The following MCF2L variants were observed in gnomAD, a reference collection of about 807,000 sequenced individuals.
MCF2L encodes the protein MCF.2 cell line derived transforming sequence like.
A neutral mutation model predicts 153.4 loss-of-function variants in MCF2L; 97 were observed. The observed-to-expected ratio is 0.63, with a 90% CI of 0.54 to 0.75. The LOEUF (loss-of-function observed/expected upper bound fraction) is 0.75, where lower values mean the gene tolerates loss of function less well. Among genes scored for constraint, MCF2L ranks in the 30% least tolerant of loss-of-function variants. The probability of loss-of-function intolerance (pLI) is 0.00; values close to 1 mark genes in which losing one functional copy is unlikely to be tolerated. For synonymous variants in MCF2L, 659 were observed against 632.2 expected (o/e 1.04, Z -0.64); for missense variants, 1,347 against 1,495.2 (o/e 0.90, Z 1.64).
intron 20 of MCF2L, 60 bp downstream of exon 20, chr13:113,085,238 C>T: frequency 6.6e-7 from 1 of 1,522,456 alleles, no homozygotes; most frequent in Non-Finnish European, 9.1e-7. Context: ...GGTGTCTGTG[C>T]CGCCCTGGGG....
chr13:113,078,128 C>T (rs955737955), intron 13 of MCF2L, among the ~76,000 whole-genome samples: 2 of 151,994 alleles, frequency 1.3e-5, no homozygotes, highest in Non-Finnish European at 2.9e-5. Context: ...GCCCACGCCA[C>T]CACCTGTGGC....
At chr13:112,914,417 G>A (rs990108515) in intron 2 of MCF2L, among the ~76,000 whole-genome samples, 1 of 152,182 alleles carries the variant, frequency 6.6e-6, no homozygotes, top group Non-Finnish European at 1.5e-5. Flanking sequence ...CGTCTCTGCT[G>A]ATGGGCACTA....
intron 2 of MCF2L, among the ~76,000 whole-genome samples, chr13:113,021,011 CTGTA>C (rs72526280): frequency 0.18 from 27,204 of 151,380 alleles, 2,567 homozygotes; most frequent in East Asian, 0.29. Context: ...AGCTGTGTAT[CTGTA>C]TGGTAGCTGT....
chr13:112,917,054 A>G, intron 2 of MCF2L: 3 of 470,954 alleles, frequency 6.4e-6, no homozygotes, highest in South Asian at 4.6e-5. Context: ...ATTCCTGTCA[A>G]CTCAAAGGTG....
Position 113,046,555 on chromosome 13 carries a change from T to C in MCF2L, c.369+1194T>C, listed in dbSNP as rs759674408. 7.5e-6 allele frequency: 4 copies of C among 533,234 alleles called. No individual in the cohort carries two copies. The East Asian group carries it at 1.6e-4, about 22-fold the overall frequency. 33.0% of individuals were successfully genotyped at this position (533,234 alleles called of 1,614,324 possible). ...GTTTGAGGTATACTGAAAAAAGTCA[T>C]TCCTTTCCCCGCACATTGCCTCATT... On this transcript the variant is annotated intron_variant, in intron 4 of 29. Coordinates refer to ENST00000535094, the MANE Select transcript of MCF2L (RefSeq NM_001112732.3). The surrounding 1 kb of genome is among the most constrained non-coding windows in gnomAD (Gnocchi z 4.4).
intron 1 of MCF2L, among the ~76,000 whole-genome samples, chr13:112,974,205 T>C (rs2082142403): frequency 6.6e-6 from 1 of 152,144 alleles, no homozygotes; most frequent in Non-Finnish European, 1.5e-5. Context: ...AAGACCACCT[T>C]CTATAGTGGT....
chr13:113,096,180 C>T, intron 27 of MCF2L, 191 bp from the exon 28 acceptor site: 1 of 602,080 alleles, frequency 1.7e-6, no homozygotes, highest in South Asian at 2.0e-5. Flanking sequence ...AGACGCCTTC[C>T]ATCGCCGCTG....
intron 8 of MCF2L, among the ~76,000 whole-genome samples, chr13:113,069,782 C>T (rs997043056): frequency 1.3e-5 from 2 of 152,172 alleles, no homozygotes; most frequent in Non-Finnish European, 2.9e-5. Flanking sequence ...TGAACAAACT[C>T]GGCGGCTCAG....
chr13:113,061,689 C>T (rs1371035870), intron 5 of MCF2L, among the ~76,000 whole-genome samples: 2 of 117,362 alleles, frequency 1.7e-5, no homozygotes, highest in East Asian at 5.4e-4. Context: ...CCCCCTTCCC[C>T]TCCCCTCCCC....
chr13:112,926,380 T>C (rs35150091), intron 2 of MCF2L, among the ~76,000 whole-genome samples: 215 of 104,830 alleles, frequency 2.1e-3, no homozygotes, highest in African/African-American at 2.3e-3. Context: ...ACATACACAG[T>C]GGAGTGCAGT....
chr13:113,014,703 C>T (rs979778799), intron 1 of MCF2L, 60 bp from the exon 2 acceptor site: 249 of 1,450,440 alleles, frequency 1.7e-4, no homozygotes, highest in Non-Finnish European at 1.8e-4. Context: ...ATCGGGTGGG[C>T]GCTTGCAGGG....
At position 113,090,119 on chromosome 13, in the gene MCF2L, G is replaced by C. The variant is rs139940844; in HGVS notation, c.2953+391G>C. On this transcript the variant is annotated intron_variant, in intron 26 of 29. Coordinates refer to ENST00000535094, the MANE Select transcript of MCF2L (RefSeq NM_001112732.3). ...GAAAGCTCTGCGCTTTCCAGAAAGC[G>C]CTTTACCCTGCAGGGTTTTGCTAAC... 3 of 1,547,060 alleles carry C rather than the reference G, an allele frequency of 1.9e-6. No individual in the cohort carries two copies. In the East Asian group the frequency reaches 7.4e-5, roughly 38 times the overall value.
chr13:113,010,904 C>A (rs2084051570), intron 1 of MCF2L, among the ~76,000 whole-genome samples: 1 of 152,214 alleles, frequency 6.6e-6, no homozygotes. Context: ...GACCTGTCTC[C>A]TGAACTGAGT....
At chr13:113,006,082 G>A (rs569375303) in intron 1 of MCF2L, among the ~76,000 whole-genome samples, 4 of 152,224 alleles carry the variant, frequency 2.6e-5, no homozygotes, top group South Asian at 4.1e-4. Flanking sequence ...CCATGTCCCC[G>A]CCTTCCTGCC....
At chr13:112,917,876 T>A (rs757159978) in intron 2 of MCF2L, among the ~76,000 whole-genome samples, 1 of 152,156 alleles carries the variant, frequency 6.6e-6, no homozygotes, top group Non-Finnish European at 1.5e-5. Flanking sequence ...TGACCTAGCC[T>A]CACCTGCCCA....
intron 1 of MCF2L, among the ~76,000 whole-genome samples, chr13:112,971,891 G>A (rs150342134): frequency 1.3e-5 from 2 of 152,340 alleles, no homozygotes; most frequent in East Asian, 3.9e-4. Flanking sequence ...ATTCGAGGGA[G>A]CAATGCTATG....
At chr13:112,911,550 C>G (rs1277260906) in intron 2 of MCF2L, among the ~76,000 whole-genome samples, 1 of 152,246 alleles carries the variant, frequency 6.6e-6, no homozygotes, top group African/African-American at 2.4e-5. Flanking sequence ...GAAACCCTCC[C>G]TCACTTCCAG....
intron 15 of MCF2L, 67 bp downstream of exon 15, chr13:113,078,806 C>A: frequency 7.2e-7 from 1 of 1,393,192 alleles, no homozygotes; most frequent in Non-Finnish European, 9.8e-7. Context: ...CAGATGCCGT[C>A]AGGCACTCGA....
At chr13:112,967,545 A>AT (rs372091966), upstream of MCF2L, 1 of 152,214 alleles carries the variant, frequency 6.6e-6, no homozygotes, top group Non-Finnish European at 1.5e-5. Context: ...TTCTGTAATT[A>AT]TTTTTTATTA....
Sources: allele counts gnomAD v4.1 joint callset (sites outside exome capture counted in the v4.1 genomes callset), GRCh38; gene constraint gnomAD v4.1.1; non-coding constraint Gnocchi (gnomAD v3.1); transcripts MANE v1.5; gene names NCBI Gene and HGNC (gene_info 2026-07-23, HGNC 2026-07-21).